Variants in BCAR1 observed in about 807,000 individuals in gnomAD.
The protein encoded by BCAR1 is breast cancer anti-estrogen resistance protein 1.
A neutral mutation model predicts 67.6 loss-of-function variants in BCAR1; 30 were observed. The observed-to-expected ratio is 0.44, with a 90% confidence interval of 0.33 to 0.60. BCAR1 has a LOEUF of 0.60. Among genes scored for constraint, BCAR1 ranks in the 20% least tolerant of loss-of-function variants. BCAR1 has a pLI of 0.02. For missense variants in BCAR1, 1,313 were observed against 1,222.3 expected (o/e 1.07, Z -1.11); for synonymous variants, 626 against 556.7 (o/e 1.12, Z -1.75).
rs1296996116 is a variant in BCAR1 at position 75,234,160 on chromosome 16, G to GACACACAC, written c.2011-226_2011-225insGTGTGTGT. On this transcript the variant is annotated intron_variant, in intron 5 of 6. Transcript: ENST00000162330. ...AGACTGGCACGTGCAGGGGCAGGCA[G>GACACACAC]ACAGACACACACACACACACACACA... Among the ~76,000 whole-genome samples, 668 of 87,846 alleles carry GACACACAC rather than the reference G, an allele frequency of 7.6e-3. 9 individuals carry two copies. The highest frequency in any genetic ancestry group is 0.017 in the Middle Eastern group (3 of 174). 57.6% of individuals were successfully genotyped at this position (87,846 alleles called of 152,430 possible). A position where few individuals can be genotyped will look rare whatever the true frequency, so the allele number is the denominator to read the frequency against.
In BCAR1 at chr16:75,242,943, T is replaced by C. The variant is rs1017153573; in HGVS notation, c.160A>G (p.Ile54Val). 1 of 1,612,982 alleles carries C rather than the reference T, an allele frequency of 6.2e-7. No individual in the cohort carries two copies. Among genetic ancestry groups the C allele is most frequent in the Non-Finnish European group, 8.5e-7 (1 of 1,179,794 alleles). The change falls in exon 2 of 7, where the codon ATC (isoleucine) becomes GTC (valine). Residue 54 changes from isoleucine to valine, a missense_variant. By Grantham distance (29) the Ile-to-Val change is conservative. This residue lies in a region of BCAR1 where 41 missense variants were observed against 84.8 expected (regional missense o/e 0.48). Transcript: ENST00000162330. ...WLCSLHGRQG[I>V]VPGNRLKILV... ...ATCTTGAGGCGGTTCCCAGGCACGA[T>C]GCCCTGGCGCCCATGCAGCGAGCAG...
upstream of BCAR1, chr16:75,256,086 C>G (rs1342453326): frequency 6.6e-6 from 1 of 152,394 alleles, no homozygotes; most frequent in East Asian, 1.9e-4. Flanking sequence ...CAGCCCACAC[C>G]CCAACACCAG....
chr16:75,237,341 C>T lies in BCAR1; in HGVS notation c.637G>A (p.Val213Met). ...CCCTGCCCCACGCGGGTGGGCACCA[C>T]CACCTGGGGGCAGAGAGCCGACTTC... ...WEGTKPPAKV[V>M]VPTRVGQGYV... Residue 213 changes from valine to methionine, a missense_variant, in exon 3 of 7, where the codon GTG becomes ATG. Physicochemically the swap from Val to Met is conservative, Grantham distance 21. Coordinates refer to ENST00000162330, the MANE Select transcript of BCAR1 (RefSeq NM_014567.5). 1 of 1,462,446 alleles carries T rather than the reference C, an allele frequency of 6.8e-7. No individual in the cohort carries two copies. Among genetic ancestry groups the T allele is most frequent in the African/African-American group, 1.5e-5 (1 of 68,464 alleles). The allele number at this position is 1,462,446 out of a possible 1,614,324, so 90.6% of individuals were successfully genotyped here.
At chr16:75,237,424 C>T (rs1321912167) in intron 2 of BCAR1, 80 bp from the exon 3 acceptor site, 3 of 1,388,832 alleles carry the variant, frequency 2.2e-6, no homozygotes, top group African/African-American at 3.0e-5. Flanking sequence ...GAGCCACGTC[C>T]TTTTAGGAGG....
chr16:75,232,095 G>A (rs1427356311), intron 6 of BCAR1, among the ~76,000 whole-genome samples: 1 of 152,026 alleles, frequency 6.6e-6, no homozygotes, highest in Non-Finnish European at 1.5e-5. Context: ...TGTTGGTCAG[G>A]CTGGTCTCGA....
intron 1 of BCAR1, chr16:75,263,475 G>T (rs528145298): frequency 2.0e-6 from 2 of 985,220 alleles, no homozygotes; most frequent in East Asian, 1.1e-4. Context: ...GCAGAGGAAG[G>T]GGCACTGAGC....
At chr16:75,262,049 G>A (rs1202071423) in intron 1 of BCAR1, among the ~76,000 whole-genome samples, 1 of 152,182 alleles carries the variant, frequency 6.6e-6, no homozygotes, top group Non-Finnish European at 1.5e-5. Flanking sequence ...GCTCAGGGAG[G>A]TTCAGTAACT....
chr16:75,248,305 T>G (rs908764098), intron 1 of BCAR1: 2 of 1,385,156 alleles, frequency 1.4e-6, no homozygotes, highest in African/African-American at 2.9e-5. Flanking sequence ...GCCTCGCACA[T>G]AGCAGGCACT....
chr16:75,234,466 T>A (rs2077027464), intron 5 of BCAR1, among the ~76,000 whole-genome samples: 1 of 152,092 alleles, frequency 6.6e-6, no homozygotes, highest in African/African-American at 2.4e-5. Context: ...CCTGGATGCC[T>A]CTCTGGCCCA....
intron 1 of BCAR1, chr16:75,267,838 G>A: frequency 6.8e-7 from 1 of 1,478,786 alleles, no homozygotes; most frequent in Non-Finnish European, 9.2e-7. Flanking sequence ...TACCGCCCCA[G>A]GGGCTGCTTA....
At position 75,233,972 on chromosome 16, in the gene BCAR1, T is replaced by C. The variant is rs1027848687; in HGVS notation, c.2011-37A>G. The C allele has an allele frequency of 1.9e-6, 3 of 1,559,412 alleles. No homozygotes were observed. In the African/African-American group the frequency reaches 4.1e-5, roughly 21 times the overall value. ...AGACAGGGGCTGCGCTGAGGCCAGT[T>C]TTCTGAGCCAGAAGCACAGGCCAGC... On this transcript the variant is annotated intron_variant, in intron 5 of 6. Coordinates refer to ENST00000162330, the MANE Select transcript of BCAR1 (RefSeq NM_014567.5).
intron 1 of BCAR1, chr16:75,248,653 C>G (rs1350715437): frequency 5.9e-6 from 1 of 170,218 alleles, no homozygotes; most frequent in Non-Finnish European, 1.3e-5. Flanking sequence ...GTCCTGGGTG[C>G]CCGGGTGGCA....
chr16:75,260,211 C>T, intron 1 of BCAR1, among the ~76,000 whole-genome samples: 1 of 151,654 alleles, frequency 6.6e-6, no homozygotes, highest in Non-Finnish European at 1.5e-5. Flanking sequence ...AAGGAAAAAG[C>T]CAGACCCCAA....
chr16:75,230,062 G>T (rs765372466), intron 6 of BCAR1, 39 bp from the exon 7 acceptor site: 1 of 1,514,098 alleles, frequency 6.6e-7, no homozygotes, highest in South Asian at 1.3e-5. Flanking sequence ...TTAGGCTCTC[G>T]GGTGAGTTGG....
At chr16:75,233,696 G>A (rs1567585354) in intron 6 of BCAR1, 150 bp downstream of exon 6, 7 of 681,910 alleles carry the variant, frequency 1.0e-5, no homozygotes, top group South Asian at 9.6e-5. Context: ...AGATGGTCAG[G>A]AGGCAGGGGG....
At chr16:75,250,011 C>G (rs1032661963) in intron 1 of BCAR1, 1 of 152,346 alleles carries the variant, frequency 6.6e-6, no homozygotes, top group African/African-American at 2.4e-5. Flanking sequence ...TGTCTCAGGG[C>G]CCCTCCTGTA....
intron 5 of BCAR1, 53 bp from the exon 6 acceptor site, chr16:75,233,988 A>G: frequency 6.5e-7 from 1 of 1,530,928 alleles, no homozygotes; most frequent in Non-Finnish European, 8.9e-7. Flanking sequence ...AGCCAGAAGC[A>G]CAGGCCAGCC....
In BCAR1 at chr16:75,235,292, G is replaced by C. The variant is rs1244737519; in HGVS notation, c.1607C>G (p.Ala536Gly). Residue 536 changes from alanine to glycine, a missense_variant, in exon 5 of 7, where the codon GCC (alanine) becomes GGC (glycine). Around this residue, in one of 2 missense-constraint regions of BCAR1, gnomAD observed 1,272 missense variants for 1,137.5 expected, o/e 1.12. Coordinates refer to ENST00000162330, the MANE Select transcript of BCAR1 (RefSeq NM_014567.5). ...CTGCCGGCTAAGCTTGGCATGCAGG[G>C]CACGGTCAGATGTGTGGGCAGCATT... ...VGNAAHTSDR[A>G]LHAKLSRQLQ... 1 of 1,605,940 alleles carries C rather than the reference G, an allele frequency of 6.2e-7. No homozygotes were observed. The highest frequency in any genetic ancestry group is 1.3e-5 in the African/African-American group (1 of 74,798).
At position 75,235,933 on chromosome 16, in the gene BCAR1, C is replaced by A. The variant is rs1567594774; in HGVS notation, c.966G>T (p.Leu322=). 6.4e-7 allele frequency: 1 copy of A among 1,572,744 alleles called. No homozygotes were observed. Among genetic ancestry groups the A allele is most frequent in the South Asian group, 1.2e-5 (1 of 86,560 alleles). ...GGGGCACATCGTAGGTCTCCTCACG[C>A]AGCAGTGGGCCATCGGGCACATCCT... ...VSKDVPDGPL[L]REETYDVPPA... Residue 322 remains leucine (L), a synonymous_variant, in exon 5 of 7, where the codon CTG becomes CTT. Transcript: ENST00000162330.
Sources: allele counts gnomAD v4.1 joint callset (sites outside exome capture counted in the v4.1 genomes callset), GRCh38; gene constraint gnomAD v4.1.1; regional missense constraint gnomAD v4.1.1; transcripts MANE v1.5; gene names NCBI Gene and HGNC (gene_info 2026-07-23, HGNC 2026-07-21).